Variants in SPOCK1 observed in about 807,000 individuals in gnomAD.
The protein encoded by SPOCK1 is SPARC (osteonectin), cwcv and kazal like domains proteoglycan 1, also known as testican-1.
Under a neutral mutation model 55.3 loss-of-function variants are expected in SPOCK1, and 23 were observed. That is an observed-to-expected ratio of 0.42 (90% CI 0.30 to 0.59). SPOCK1 has a LOEUF of 0.59. SPOCK1 is among the 20% of genes least tolerant of loss of function. SPOCK1 has a pLI of 0.22. For missense variants in SPOCK1, 499 were observed against 552.5 expected (o/e 0.90, Z 0.97); for synonymous variants, 226 against 221.0 (o/e 1.02, Z -0.20).
At chr5:137,255,434 T>C (rs1271898443) in intron 3 of SPOCK1, among the ~76,000 whole-genome samples, 1 of 152,276 alleles carries the variant, frequency 6.6e-6, no homozygotes, top group Non-Finnish European at 1.5e-5. Flanking sequence ...GGCTTTGCTA[T>C]GCCTTTAATT....
chr5:137,353,394 A>G (rs1202422817), intron 2 of SPOCK1, among the ~76,000 whole-genome samples: 4 of 152,144 alleles, frequency 2.6e-5, no homozygotes, highest in Non-Finnish European at 5.9e-5. Context: ...CAATCAATCA[A>G]TAAATAAAAA....
chr5:137,282,358 T>G (rs748327266), intron 2 of SPOCK1, among the ~76,000 whole-genome samples: 1 of 152,240 alleles, frequency 6.6e-6, no homozygotes, highest in Non-Finnish European at 1.5e-5. Context: ...GCCACTTAAG[T>G]AATCACATTA....
chr5:137,039,614 C>T (rs1751956405), intron 6 of SPOCK1, among the ~76,000 whole-genome samples: 1 of 152,226 alleles, frequency 6.6e-6, no homozygotes, highest in South Asian at 2.1e-4. Flanking sequence ...CCCACGCCCC[C>T]ATGGGCAGGG....
chr5:137,395,042 G>A (rs1751812334), intron 2 of SPOCK1, among the ~76,000 whole-genome samples: 1 of 152,174 alleles, frequency 6.6e-6, no homozygotes, highest in South Asian at 2.1e-4. Context: ...GGCAGACCTG[G>A]GGCCAAACCC....
Position 137,486,437 on chromosome 5 carries a change from A to G in SPOCK1, c.186+11936T>C, listed in dbSNP as rs368080168. 3.3e-5 allele frequency among the ~76,000 whole-genome samples: 5 copies of G among 152,308 alleles called. No homozygotes were observed. In the South Asian group the frequency reaches 1.0e-3, roughly 32 times the overall value. On this transcript the variant is annotated intron_variant, in intron 2 of 10. Transcript: ENST00000394945. ...CCCCAACAGGTTTCCCTGACCTCCA[A>G]GCACCTCTTTCTCTTCACTTTGTCG...
chr5:137,362,330 CTTTTTTTT>C (rs745634969), intron 2 of SPOCK1, among the ~76,000 whole-genome samples: 1 of 136,636 alleles, frequency 7.3e-6, no homozygotes, highest in Non-Finnish European at 1.6e-5. Flanking sequence ...CGTCAGCAAC[CTTTTTTTT>C]TTTTTTTTTG....
At chr5:137,001,749 T>G (rs571038869) in intron 6 of SPOCK1, among the ~76,000 whole-genome samples, 21 of 152,354 alleles carry the variant, frequency 1.4e-4, no homozygotes, top group African/African-American at 5.1e-4. Context: ...AGGCAGCCAC[T>G]ATTTCTTCTC....
At chr5:137,228,866 G>T (rs935300330) in intron 3 of SPOCK1, among the ~76,000 whole-genome samples, 1 of 152,094 alleles carries the variant, frequency 6.6e-6, no homozygotes, top group Non-Finnish European at 1.5e-5. Flanking sequence ...GATTTACCTC[G>T]GAGCAATGTC....
At chr5:137,134,018 A>G (rs1383783851) in intron 4 of SPOCK1, among the ~76,000 whole-genome samples, 8 of 152,062 alleles carry the variant, frequency 5.3e-5, no homozygotes, top group Non-Finnish European at 4.4e-5. Flanking sequence ...GGCCCCTGGG[A>G]GCTTGCCCCA....
intron 3 of SPOCK1, among the ~76,000 whole-genome samples, chr5:137,234,109 T>C (rs1309596018): frequency 6.6e-6 from 1 of 152,050 alleles, no homozygotes; most frequent in Non-Finnish European, 1.5e-5. Context: ...TGTCTCTGGG[T>C]AGGGAAAAGG....
At position 137,199,632 on chromosome 5, in the gene SPOCK1, C is replaced by T. The variant is rs577406177; in HGVS notation, c.233-58938G>A. Among the ~76,000 whole-genome samples, 138 of 152,258 alleles carry T rather than the reference C, an allele frequency of 9.1e-4. 1 individual carries two copies. The highest frequency in any genetic ancestry group is 1.9e-3 in the Non-Finnish European group (127 of 68,030). On this transcript the variant is annotated intron_variant, in intron 3 of 10. Transcript: ENST00000394945. ...ATTCTCATGAGTTTCCTCCCCCTTT[C>T]GAGCAATTTCCTCTCAGCCTCTTCT...
At chr5:137,008,938 A>G (rs558240326) in intron 6 of SPOCK1, among the ~76,000 whole-genome samples, 2 of 152,300 alleles carry the variant, frequency 1.3e-5, no homozygotes, top group African/African-American at 4.8e-5. Flanking sequence ...AAGTGAGAAC[A>G]TTCCTGAATA....
intron 2 of SPOCK1, among the ~76,000 whole-genome samples, chr5:137,418,671 G>T (rs1459400715): frequency 2.0e-5 from 3 of 151,930 alleles, no homozygotes; most frequent in Non-Finnish European, 4.4e-5. Flanking sequence ...TTATAAATTT[G>T]TTTGAGTTCT....
intron 3 of SPOCK1, among the ~76,000 whole-genome samples, chr5:137,220,770 A>G (rs1755832527): frequency 6.6e-6 from 1 of 152,236 alleles, no homozygotes; most frequent in African/African-American, 2.4e-5. Flanking sequence ...GTCAGCGAAT[A>G]GGTAGGTGAG....
Position 137,011,596 on chromosome 5 carries a change from AC to A in SPOCK1, c.590-18997del, listed in dbSNP as rs369425956. On this transcript the variant is annotated intron_variant, in intron 6 of 10. Transcript: ENST00000394945. ...AAAACATCCCTGAAATTTATTACATACCTTTTCCATTCTCCACCAGGTCCTT... is the reference window on the plus strand; with the variant it reads ...AAAACATCCCTGAAATTTATTACATACTTTTCCATTCTCCACCAGGTCCTT... Among the ~76,000 whole-genome samples the A allele has an allele frequency of 3.0e-3, 456 of 152,280 alleles. 4 individuals carry two copies. The highest frequency in any genetic ancestry group is 0.01 in the African/African-American group (434 of 41,552).
intron 2 of SPOCK1, among the ~76,000 whole-genome samples, chr5:137,310,767 A>G (rs1757778295): frequency 6.6e-6 from 1 of 152,262 alleles, no homozygotes; most frequent in Non-Finnish European, 1.5e-5. Context: ...TTATTAATGA[A>G]TTAATAATTT....
At chr5:137,131,937 A>C (rs1241019044) in intron 4 of SPOCK1, among the ~76,000 whole-genome samples, 1 of 124,488 alleles carries the variant, frequency 8.0e-6, no homozygotes. Flanking sequence ...GCGCCACTGC[A>C]CTCCAGCCTG....
intron 2 of SPOCK1, among the ~76,000 whole-genome samples, chr5:137,483,709 C>T (rs927010092): frequency 1.3e-5 from 2 of 152,188 alleles, no homozygotes; most frequent in African/African-American, 2.4e-5. Flanking sequence ...GCACCCATGG[C>T]TTCTACTCAC....
chr5:137,063,265 A>C (rs2127004022), intron 6 of SPOCK1, among the ~76,000 whole-genome samples: 1 of 151,570 alleles, frequency 6.6e-6, no homozygotes, highest in African/African-American at 2.4e-5. Flanking sequence ...AAAGAAAGAA[A>C]TATTCGGAAA....
Sources: allele counts gnomAD v4.1 joint callset (sites outside exome capture counted in the v4.1 genomes callset), GRCh38; gene constraint gnomAD v4.1.1; transcripts MANE v1.5; gene names NCBI Gene and HGNC (gene_info 2026-07-23, HGNC 2026-07-21).